Variants in SLC24A2 observed in about 807,000 individuals in gnomAD.
SLC24A2 encodes the protein sodium/potassium/calcium exchanger 2.
A neutral mutation model predicts 62.0 loss-of-function variants in SLC24A2; 36 were observed. The ratio of observed to expected loss-of-function variants is 0.58; its 90% CI spans 0.44 to 0.77. SLC24A2 has a LOEUF of 0.77. Ranked by LOEUF, SLC24A2 falls within the 30% of genes least tolerant of loss-of-function variation. SLC24A2 has a pLI of 0.00. For synonymous variants in SLC24A2, 358 were observed against 294.0 expected (o/e 1.22, Z -2.23); for missense variants, 846 against 817.9 (o/e 1.03, Z -0.42).
the SLC24A2 span, among the ~76,000 whole-genome samples, chr9:20,148,331 G>A: frequency 4.6e-5 from 7 of 152,010 alleles, no homozygotes; most frequent in Non-Finnish European, 7.4e-5. Flanking sequence ...AGTGAAAAAA[G>A]AAAGAGGATG....
At chr9:19,960,700 G>C in the SLC24A2 span, among the ~76,000 whole-genome samples, 1 of 152,300 alleles carries the variant, frequency 6.6e-6, no homozygotes, top group South Asian at 2.1e-4. Flanking sequence ...TAGGAATGCA[G>C]AATGCTGGGC....
chr9:19,949,826 C>T, the SLC24A2 span, among the ~76,000 whole-genome samples: 715 of 152,302 alleles, frequency 4.7e-3, 10 homozygotes, highest in African/African-American at 0.016. Context: ...GATCATGGAT[C>T]ACCTTGTGGA....
intron 4 of SLC24A2, among the ~76,000 whole-genome samples, chr9:19,600,105 T>G (rs1836804610): frequency 6.6e-6 from 1 of 152,198 alleles, no homozygotes; most frequent in East Asian, 1.9e-4. Context: ...GTGAATGTCA[T>G]TCTGGGTACC....
At chr9:19,838,455 C>CCACACACACA in the SLC24A2 span, among the ~76,000 whole-genome samples, 757 of 144,828 alleles carry the variant, frequency 5.2e-3, 2 homozygotes, top group Non-Finnish European at 8.6e-3. Flanking sequence ...AGACCTAAAA[C>CCACACACACA]CACACACACA....
At chr9:19,671,481 A>G (rs958902093) in intron 2 of SLC24A2, among the ~76,000 whole-genome samples, 6 of 152,082 alleles carry the variant, frequency 3.9e-5, no homozygotes, top group African/African-American at 7.2e-5. Context: ...CTCTAGGTAT[A>G]TGATCATATC....
intron 2 of SLC24A2, among the ~76,000 whole-genome samples, chr9:19,780,275 C>CTT (rs10645333): frequency 0.015 from 2,203 of 147,068 alleles, 20 homozygotes; most frequent in Non-Finnish European, 0.022. Context: ...TTTTCTTTTT[C>CTT]TTTTTTTTTT....
chr9:19,597,113 G>C, intron 5 of SLC24A2, 116 bp downstream of exon 5: 1 of 742,900 alleles, frequency 1.3e-6, no homozygotes, highest in Non-Finnish European at 2.4e-6. Context: ...AGAATAGTAA[G>C]TCACACAATG....
chr9:20,001,820 T>C, the SLC24A2 span, among the ~76,000 whole-genome samples: 1 of 152,218 alleles, frequency 6.6e-6, no homozygotes, highest in African/African-American at 2.4e-5. Context: ...ACACCTACTT[T>C]GATCCAGCAC....
chr9:19,619,587 C>T lies in SLC24A2; in HGVS notation c.1075G>A (p.Glu359Lys), dbSNP rs757988035. The change falls in exon 4 of 11, where the codon GAA becomes AAA. Residue 359 changes from glutamate to lysine, a missense_variant. Glu to Lys is a moderately conservative substitution (Grantham distance 56). Coordinates refer to ENST00000341998, the MANE Select transcript of SLC24A2 (RefSeq NM_020344.4). ...LMIHTLDPLAEELGSYGKLKY... is the reference protein window; with the variant it reads ...LMIHTLDPLAKELGSYGKLKY... ...CAAACCAAAGCTTGATGTTTACCTT[C>T]GGCGAGTGGGTCAAGGGTGTGTATC... 1.4e-5 allele frequency: 23 copies of T among 1,611,092 alleles called. No individual in the cohort carries two copies. The highest frequency in any genetic ancestry group is 3.3e-5 in the South Asian group (3 of 91,036).
chr9:20,120,137 T>A, the SLC24A2 span, among the ~76,000 whole-genome samples: 1 of 152,234 alleles, frequency 6.6e-6, no homozygotes, highest in Non-Finnish European at 1.5e-5. Context: ...CACACACAAG[T>A]ATTTTTTCTC....
At chr9:19,733,952 G>A (rs1748461795) in intron 2 of SLC24A2, among the ~76,000 whole-genome samples, 2 of 152,094 alleles carry the variant, frequency 1.3e-5, no homozygotes, top group Admixed American at 1.3e-4. Context: ...AACAGAATAA[G>A]GGAATGGAAA....
At chr9:19,999,395 T>TA in the SLC24A2 span, among the ~76,000 whole-genome samples, 1 of 152,364 alleles carries the variant, frequency 6.6e-6, no homozygotes, top group South Asian at 2.1e-4. Flanking sequence ...ACAGTAATTA[T>TA]ATTCTTGGAC....
the SLC24A2 span, among the ~76,000 whole-genome samples, chr9:20,046,453 A>C: frequency 6.6e-6 from 1 of 152,218 alleles, no homozygotes; most frequent in Non-Finnish European, 1.5e-5. Context: ...GGGCCCTTAA[A>C]ATTGGTTATC....
At chr9:19,642,774 G>A (rs1454427111) in intron 2 of SLC24A2, among the ~76,000 whole-genome samples, 3 of 145,546 alleles carry the variant, frequency 2.1e-5, no homozygotes, top group African/African-American at 2.6e-5. Context: ...TCCGCCTCCC[G>A]GGTTCAAGCC....
intron 7 of SLC24A2, among the ~76,000 whole-genome samples, chr9:19,566,173 C>T (rs1333441900): frequency 2.0e-5 from 3 of 151,742 alleles, no homozygotes; most frequent in Non-Finnish European, 4.4e-5. Context: ...TCAGAGTGAA[C>T]AGGCAACCTA....
the SLC24A2 span, among the ~76,000 whole-genome samples, chr9:20,206,890 C>T: frequency 3.0e-5 from 4 of 131,678 alleles, no homozygotes; most frequent in Non-Finnish European, 4.8e-5. Context: ...TTGGGGGGGG[C>T]GGTTACGGAT....
intron 8 of SLC24A2, among the ~76,000 whole-genome samples, chr9:19,546,983 C>G (rs1466363604): frequency 6.6e-6 from 1 of 152,128 alleles, no homozygotes; most frequent in African/African-American, 2.4e-5. Context: ...CGACACCCCA[C>G]ACCCCACCTT....
chr9:20,220,452 T>C, the SLC24A2 span, among the ~76,000 whole-genome samples: 1 of 152,148 alleles, frequency 6.6e-6, no homozygotes, highest in East Asian at 1.9e-4. Context: ...AAGCAGGAGA[T>C]CCCAGATGGC....
At chr9:20,098,981 C>A in the SLC24A2 span, among the ~76,000 whole-genome samples, 2 of 152,166 alleles carry the variant, frequency 1.3e-5, no homozygotes, top group Admixed American at 6.5e-5. Context: ...AGAAAGCCAG[C>A]AAAGGAATAA....
Sources: allele counts gnomAD v4.1 joint callset (sites outside exome capture counted in the v4.1 genomes callset), GRCh38; gene constraint gnomAD v4.1.1; transcripts MANE v1.5; gene names NCBI Gene and HGNC (gene_info 2026-07-23, HGNC 2026-07-21).